Variants in KCNQ5 observed in about 807,000 individuals in gnomAD.
KCNQ5 encodes the protein potassium voltage-gated channel subfamily Q member 5, also known as potassium voltage-gated channel subfamily KQT member 5.
A neutral mutation model predicts 98.2 loss-of-function variants in KCNQ5; 30 were observed. The ratio of observed to expected loss-of-function variants is 0.31; its 90% CI spans 0.23 to 0.41. The LOEUF (loss-of-function observed/expected upper bound fraction) is 0.41, where lower values mean the gene tolerates loss of function less well. Ranked by LOEUF, KCNQ5 falls within the 10% of genes least tolerant of loss-of-function variation. The pLI, the probability that KCNQ5 is intolerant of heterozygous loss-of-function variation, is 1.00. For synonymous variants in KCNQ5, 458 were observed against 449.4 expected, an observed-to-expected ratio of 1.02 and a Z score of -0.24; for missense variants, 835 against 1,182.5, an observed-to-expected ratio of 0.71 and a Z score of 4.31.
chr6:72,939,463 T>C (rs1766120500), intron 1 of KCNQ5, among the ~76,000 whole-genome samples: 1 of 152,206 alleles, frequency 6.6e-6, no homozygotes, highest in South Asian at 2.1e-4. Context: ...ATCCTTTATT[T>C]CCAGAAGTTG....
chr6:72,713,155 T>C (rs1299124567), intron 1 of KCNQ5, among the ~76,000 whole-genome samples: 4 of 152,186 alleles, frequency 2.6e-5, no homozygotes, highest in African/African-American at 7.2e-5. Context: ...GGTTACACAT[T>C]TGAAATCCAA....
intron 1 of KCNQ5, among the ~76,000 whole-genome samples, chr6:72,857,999 G>C (rs1777601470): frequency 6.6e-6 from 1 of 152,130 alleles, no homozygotes. Flanking sequence ...TCAATAGTGA[G>C]TAAGAAAAAT....
intron 1 of KCNQ5, among the ~76,000 whole-genome samples, chr6:72,963,223 T>C (rs1412717285): frequency 6.6e-6 from 1 of 152,244 alleles, no homozygotes; most frequent in Non-Finnish European, 1.5e-5. Flanking sequence ...AAATGGCTCC[T>C]TAGCTTTGCT....
At chr6:73,114,798 GT>G (rs1452203626) in intron 7 of KCNQ5, among the ~76,000 whole-genome samples, 1 of 152,186 alleles carries the variant, frequency 6.6e-6, no homozygotes, top group African/African-American at 2.4e-5. Context: ...TTAAGTAAAA[GT>G]TTGTGAAATA....
chr6:72,645,109 C>G (rs75037641), intron 1 of KCNQ5, among the ~76,000 whole-genome samples: 1,826 of 149,336 alleles, frequency 0.012, 42 homozygotes, highest in African/African-American at 0.043. Context: ...TGGCTCATGC[C>G]TGTAATCTTA....
intron 1 of KCNQ5, among the ~76,000 whole-genome samples, chr6:72,695,559 C>A (rs1201633397): frequency 1.3e-5 from 2 of 152,078 alleles, no homozygotes; most frequent in Non-Finnish European, 2.9e-5. Flanking sequence ...CACACAATGA[C>A]AAAAATCATG....
chr6:72,996,275 C>T (rs1402404611), intron 1 of KCNQ5, among the ~76,000 whole-genome samples: 2 of 152,194 alleles, frequency 1.3e-5, no homozygotes, highest in East Asian at 3.8e-4. Context: ...ACCTTTGAGC[C>T]TCTTGGCATC....
intron 5 of KCNQ5, among the ~76,000 whole-genome samples, chr6:73,083,706 A>G (rs1249529042): frequency 6.6e-6 from 1 of 152,254 alleles, no homozygotes; most frequent in Non-Finnish European, 1.5e-5. Flanking sequence ...AGTAGCCATC[A>G]TAAAAGTTTC....
chr6:73,007,033 T>C (rs79567573), intron 2 of KCNQ5, among the ~76,000 whole-genome samples: 4,445 of 151,674 alleles, frequency 0.029, 221 homozygotes, highest in African/African-American at 0.099. Flanking sequence ...TAGACATCTC[T>C]TGCTTGCCTC....
chr6:73,065,978 C>A (rs1237464229), intron 3 of KCNQ5, among the ~76,000 whole-genome samples: 1 of 152,122 alleles, frequency 6.6e-6, no homozygotes, highest in East Asian at 1.9e-4. Context: ...GAAACCCCAT[C>A]TCTCCCAAAA....
intron 9 of KCNQ5, among the ~76,000 whole-genome samples, chr6:73,127,135 CAA>C (rs1562194923): frequency 6.6e-6 from 1 of 152,090 alleles, no homozygotes; most frequent in Non-Finnish European, 1.5e-5. Context: ...TAGAAAGTAA[CAA>C]AGTTGTCCTT....
intron 1 of KCNQ5, among the ~76,000 whole-genome samples, chr6:72,819,405 A>G (rs1009009208): frequency 1.3e-5 from 2 of 152,210 alleles, no homozygotes; most frequent in Non-Finnish European, 1.5e-5. Flanking sequence ...CATATCGATG[A>G]ATGAAAATAC....
Position 72,635,535 on chromosome 6 carries a change from A to G in KCNQ5, c.398+12948A>G, listed in dbSNP as rs76655579. ...AATAATAAATACTCATTTTCTTTAC[A>G]CTAGTGTGAATACATTTCATTCAGC... On this transcript the variant is annotated intron_variant, in intron 1 of 13. Coordinates refer to ENST00000370398, the MANE Select transcript of KCNQ5 (RefSeq NM_019842.4). Among the ~76,000 whole-genome samples the G allele has an allele frequency of 9.2e-3, 1,401 of 151,868 alleles. 12 individuals carry two copies. Among genetic ancestry groups the G allele is most frequent in the East Asian group, 0.021 (107 of 5,170 alleles).
chr6:72,915,747 A>T (rs935973569), intron 1 of KCNQ5, among the ~76,000 whole-genome samples: 1 of 152,202 alleles, frequency 6.6e-6, no homozygotes, highest in Non-Finnish European at 1.5e-5. Context: ...CTGTCAAAAA[A>T]AAAATTTCCA....
intron 1 of KCNQ5, among the ~76,000 whole-genome samples, chr6:72,628,605 T>A (rs2098919178): frequency 6.6e-6 from 1 of 152,112 alleles, no homozygotes; most frequent in Admixed American, 6.6e-5. Context: ...AAGTTATCTT[T>A]CTTTCTTTCT....
intron 1 of KCNQ5, among the ~76,000 whole-genome samples, chr6:72,890,222 A>C (rs1779005923): frequency 7.1e-6 from 1 of 141,236 alleles, no homozygotes; most frequent in African/African-American, 2.6e-5. Flanking sequence ...CATAATCAGC[A>C]TACTAAGCAT....
intron 1 of KCNQ5, among the ~76,000 whole-genome samples, chr6:72,718,314 G>C (rs371743449): frequency 6.6e-6 from 1 of 152,162 alleles, no homozygotes; most frequent in East Asian, 1.9e-4. Context: ...CCCTTTGCTG[G>C]TCTGCATGTT....
intron 1 of KCNQ5, among the ~76,000 whole-genome samples, chr6:72,921,563 C>T (rs904532899): frequency 3.3e-5 from 5 of 152,074 alleles, no homozygotes; most frequent in African/African-American, 7.2e-5. Flanking sequence ...AGTTGTATGA[C>T]GTTGCTTGCA....
chr6:72,673,803 C>T (rs556376216), intron 1 of KCNQ5, among the ~76,000 whole-genome samples: 1 of 152,286 alleles, frequency 6.6e-6, no homozygotes, highest in East Asian at 1.9e-4. Context: ...GATACCTTTA[C>T]TTTGGTCCAT....
Sources: gnomAD v4.1 joint callset for allele counts (sites outside exome capture counted in the v4.1 genomes callset) on GRCh38, gnomAD v4.1.1 for gene constraint, MANE v1.5 for transcripts, NCBI Gene and HGNC (gene_info 2026-07-23, HGNC 2026-07-21) for gene names.